Variants in PCLO observed in about 807,000 individuals in gnomAD.
PCLO encodes piccolo presynaptic cytomatrix protein.
In PCLO, 82 loss-of-function variants were observed where a neutral mutation model predicts 427.5. That is an observed-to-expected ratio of 0.19 (90% CI 0.16 to 0.23). The LOEUF (loss-of-function observed/expected upper bound fraction) is 0.23, where lower values mean the gene tolerates loss of function less well. Ranked by LOEUF, PCLO falls within the 10% of genes least tolerant of loss-of-function variation. PCLO has a pLI of 1.00. For missense variants in PCLO, 6,239 were observed against 6,115.9 expected, an observed-to-expected ratio of 1.02 and a Z score of -0.67; for synonymous variants, 2,357 against 2,155.4, an observed-to-expected ratio of 1.09 and a Z score of -2.59.
At chr7:82,961,130 A>G (rs1795647804) in intron 4 of PCLO, among the ~76,000 whole-genome samples, 1 of 152,218 alleles carries the variant, frequency 6.6e-6, no homozygotes, top group African/African-American at 2.4e-5. Context: ...AGGTAAATTA[A>G]GAGTATTGTT....
chr7:83,076,744 C>A (rs1043538587), intron 3 of PCLO, among the ~76,000 whole-genome samples: 1 of 146,392 alleles, frequency 6.8e-6, no homozygotes, highest in African/African-American at 2.5e-5. Context: ...AGCAAATAAA[C>A]AAACAAATCT....
intron 6 of PCLO, among the ~76,000 whole-genome samples, chr7:82,923,902 G>A (rs1204508814): frequency 6.6e-6 from 1 of 152,004 alleles, no homozygotes; most frequent in Non-Finnish European, 1.5e-5. Context: ...ATTGTTAGAT[G>A]TTTAGTTGCA....
intron 22 of PCLO, among the ~76,000 whole-genome samples, chr7:82,787,222 A>G (rs1157746391): frequency 6.6e-6 from 1 of 152,066 alleles, no homozygotes; most frequent in African/African-American, 2.4e-5. Context: ...AAGCATTCCT[A>G]CTTCTCCACA....
intron 3 of PCLO, among the ~76,000 whole-genome samples, chr7:83,013,951 T>C (rs1788147396): frequency 1.3e-5 from 2 of 152,160 alleles, no homozygotes; most frequent in South Asian, 4.1e-4. Flanking sequence ...CATTGTAGAA[T>C]AGCAATTCTT....
intron 3 of PCLO, among the ~76,000 whole-genome samples, chr7:83,016,130 A>T (rs936952881): frequency 4.6e-5 from 7 of 152,170 alleles, no homozygotes; most frequent in African/African-American, 1.2e-4. Flanking sequence ...GTAAGAAAGG[A>T]CATGGCACAG....
intron 3 of PCLO, among the ~76,000 whole-genome samples, chr7:83,121,126 CA>C (rs1319871073): frequency 7.0e-6 from 1 of 143,668 alleles, no homozygotes; most frequent in African/African-American, 2.7e-5. Context: ...ACTAAAAATA[CA>C]AAAACAAACA....
intron 14 of PCLO, among the ~76,000 whole-genome samples, chr7:82,838,991 T>C (rs1033888190): frequency 1.3e-5 from 2 of 152,088 alleles, no homozygotes; most frequent in African/African-American, 4.8e-5. Context: ...TAGATGCTTA[T>C]TGGCTGCTGC....
chr7:82,816,206 T>C (rs1791675737), intron 20 of PCLO, among the ~76,000 whole-genome samples: 1 of 152,170 alleles, frequency 6.6e-6, no homozygotes, highest in Admixed American at 6.6e-5. Flanking sequence ...ATGTATGTAA[T>C]ACATGTGGAT....
rs1481066889 is a variant in PCLO at position 82,955,471 on chromosome 7, T to C, written c.5482A>G (p.Ser1828Gly). The C allele has an allele frequency of 1.2e-6, 2 of 1,613,600 alleles. No individual in the cohort carries two copies. Among genetic ancestry groups the C allele is most frequent in the East Asian group, 2.2e-5 (1 of 44,884 alleles). ...GCATCTTCAATGGGAGAGAGATTAC[T>C]AGGTGGTGTCTTTGGCCTTTCCCTT... ...RRRERPKTPP[S>G]NLSPIEDASP... is the part of the protein sequence containing the mutation. Residue 1828 changes from serine to glycine, a missense_variant, in exon 5 of 25, where the codon AGT (serine) becomes GGT (glycine). By Grantham distance (56) the Ser-to-Gly change is moderately conservative (BLOSUM62 0). Coordinates refer to ENST00000333891, the MANE Select transcript of PCLO (RefSeq NM_033026.6).
At chr7:82,993,251 A>G (rs888239779) in intron 3 of PCLO, among the ~76,000 whole-genome samples, 1 of 152,044 alleles carries the variant, frequency 6.6e-6, no homozygotes, top group Non-Finnish European at 1.5e-5. Context: ...ATATAGAGAT[A>G]TAATAAATGC....
chr7:82,844,594 T>G (rs1386210513), intron 13 of PCLO, among the ~76,000 whole-genome samples: 2 of 152,126 alleles, frequency 1.3e-5, no homozygotes, highest in Non-Finnish European at 2.9e-5. Flanking sequence ...AAGGACACTT[T>G]TTTCGCATGT....
chr7:83,010,005 ACTGAGCAAGTTAC>A (rs1788039994), intron 3 of PCLO, among the ~76,000 whole-genome samples: 1 of 151,908 alleles, frequency 6.6e-6, no homozygotes, highest in African/African-American at 2.4e-5. Flanking sequence ...ACTTCTCACT[ACTGAGCAAGTTAC>A]CTGGCCTCTT....
chr7:82,782,503 C>T (rs1007476485), intron 22 of PCLO, among the ~76,000 whole-genome samples: 1 of 152,054 alleles, frequency 6.6e-6, no homozygotes, highest in Non-Finnish European at 1.5e-5. Flanking sequence ...TACAGTGCAT[C>T]CAATATTGTA....
chr7:83,110,607 A>G (rs1408899181), intron 3 of PCLO, among the ~76,000 whole-genome samples: 3 of 152,062 alleles, frequency 2.0e-5, no homozygotes, highest in Non-Finnish European at 4.4e-5. Context: ...TTCTATTCTG[A>G]TAACATCCAA....
At chr7:83,014,143 A>G (rs998460467) in intron 3 of PCLO, among the ~76,000 whole-genome samples, 1 of 152,134 alleles carries the variant, frequency 6.6e-6, no homozygotes, top group Admixed American at 6.6e-5. Context: ...TCTTCCCTTA[A>G]GATATGTACA....
intron 3 of PCLO, among the ~76,000 whole-genome samples, chr7:82,967,646 A>G (rs941985695): frequency 6.6e-6 from 1 of 152,200 alleles, no homozygotes; most frequent in Non-Finnish European, 1.5e-5. Context: ...ACTGGTTGAG[A>G]ATTTTTGCAA....
chr7:82,843,664 C>CT (rs1387222243), intron 13 of PCLO, among the ~76,000 whole-genome samples: 6 of 135,708 alleles, frequency 4.4e-5, no homozygotes, highest in Non-Finnish European at 9.7e-5. Flanking sequence ...ACAACGTATT[C>CT]ATTTTTTTTT....
At chr7:82,942,812 A>G (rs768951565) in intron 6 of PCLO, among the ~76,000 whole-genome samples, 2 of 152,096 alleles carry the variant, frequency 1.3e-5, no homozygotes, top group African/African-American at 2.4e-5. Flanking sequence ...AGAAGGTAAG[A>G]GCTATAGAAA....
At chr7:82,878,099 C>T (rs1311271424) in intron 10 of PCLO, among the ~76,000 whole-genome samples, 3 of 152,188 alleles carry the variant, frequency 2.0e-5, no homozygotes, top group Non-Finnish European at 4.4e-5. Flanking sequence ...CCTATTTCCA[C>T]ATTGTAAATG....
Sources: gnomAD v4.1 joint callset for allele counts (sites outside exome capture counted in the v4.1 genomes callset) on GRCh38, gnomAD v4.1.1 for gene constraint, MANE v1.5 for transcripts, NCBI Gene and HGNC (gene_info 2026-07-23, HGNC 2026-07-21) for gene names.